Variants in BBX observed in about 807,000 individuals in gnomAD.
BBX encodes the protein BBX high mobility group box domain containing.
A neutral mutation model predicts 100.2 loss-of-function variants in BBX; 30 were observed. The ratio of observed to expected loss-of-function variants is 0.30; its 90% CI spans 0.22 to 0.41. The LOEUF is 0.41. Among genes scored for constraint, BBX ranks in the 10% least tolerant of loss-of-function variants. BBX has a pLI of 1.00. For synonymous variants in BBX, 376 were observed against 388.1 expected, an observed-to-expected ratio of 0.97 and a Z score of 0.37; for missense variants, 1,023 against 1,129.8, an observed-to-expected ratio of 0.91 and a Z score of 1.35.
chr3:107,708,903 T>A (rs542217719), intron 3 of BBX, among the ~76,000 whole-genome samples: 1 of 152,278 alleles, frequency 6.6e-6, no homozygotes, highest in African/African-American at 2.4e-5. Flanking sequence ...TTAAATTTTT[T>A]AATGGCTGTT....
chr3:107,801,264 C>T lies in BBX; in HGVS notation c.2721C>T (p.Ala907=). Residue 907 remains alanine (A), a synonymous_variant, in exon 17 of 18, where the codon GCC becomes GCT. Coordinates refer to ENST00000325805, the MANE Select transcript of BBX (RefSeq NM_001142568.3). The part of the protein sequence containing the change: ...FSLAALAEVA[A]MENVHRGQRS... ...TCGCTGCGCTGGCTGAAGTGGCAGC[C>T]ATGGAAAATGTGCACAGGTTAGTGG... The T allele has an allele frequency of 1.2e-6, 2 of 1,613,944 alleles. No individual in the cohort carries two copies. The highest frequency in any genetic ancestry group is 1.7e-6 in the Non-Finnish European group (2 of 1,179,930).
chr3:107,755,066 C>T (rs916088815), intron 9 of BBX, among the ~76,000 whole-genome samples: 3 of 152,156 alleles, frequency 2.0e-5, no homozygotes, highest in African/African-American at 4.8e-5. Flanking sequence ...TTTGCATGTA[C>T]ATTAAAGCAT....
chr3:107,633,908 C>T (rs2056699356), intron 2 of BBX, among the ~76,000 whole-genome samples: 2 of 152,204 alleles, frequency 1.3e-5, no homozygotes, highest in Admixed American at 1.3e-4. Flanking sequence ...TTCTTAGCCC[C>T]TCTTCATAAC....
intron 2 of BBX, among the ~76,000 whole-genome samples, chr3:107,559,564 G>A (rs2107466991): frequency 6.6e-6 from 1 of 152,286 alleles, no homozygotes; most frequent in East Asian, 1.9e-4. Flanking sequence ...TTAGGCAAGA[G>A]GCATCCCATG....
intron 3 of BBX, among the ~76,000 whole-genome samples, chr3:107,698,344 T>C (rs2060805088): frequency 6.6e-6 from 1 of 151,734 alleles, no homozygotes; most frequent in South Asian, 2.1e-4. Context: ...AAAAAATGTA[T>C]GATTGCTCTT....
chr3:107,650,093 A>G (rs1425248708), intron 3 of BBX, among the ~76,000 whole-genome samples: 1 of 152,118 alleles, frequency 6.6e-6, no homozygotes, highest in Non-Finnish European at 1.5e-5. Context: ...TAAGATTTTT[A>G]TGGTGCTGTT....
intron 13 of BBX, among the ~76,000 whole-genome samples, chr3:107,785,640 A>C (rs1361315021): frequency 6.6e-6 from 1 of 152,068 alleles, no homozygotes; most frequent in African/African-American, 2.4e-5. Flanking sequence ...CCTTTAAAAA[A>C]AAAATTACTC....
At chr3:107,686,949 A>G (rs1405465125) in intron 3 of BBX, among the ~76,000 whole-genome samples, 1 of 152,190 alleles carries the variant, frequency 6.6e-6, no homozygotes, top group Non-Finnish European at 1.5e-5. Context: ...AATTGTGTCT[A>G]AAATAAAAAA....
At chr3:107,720,588 A>G (rs919084243) in intron 5 of BBX, among the ~76,000 whole-genome samples, 1 of 152,086 alleles carries the variant, frequency 6.6e-6, no homozygotes, top group Non-Finnish European at 1.5e-5. Flanking sequence ...GGCAAAAACC[A>G]CGAGAGACCA....
chr3:107,538,489 A>C (rs2048654740), intron 2 of BBX, among the ~76,000 whole-genome samples: 1 of 152,204 alleles, frequency 6.6e-6, no homozygotes, highest in Non-Finnish European at 1.5e-5. Context: ...TAAGTCTAGT[A>C]TATCCTTAAG....
chr3:107,542,052 G>T (rs2048903815), intron 2 of BBX, among the ~76,000 whole-genome samples: 1 of 152,140 alleles, frequency 6.6e-6, no homozygotes, highest in Admixed American at 6.5e-5. Context: ...CCAGAAGCCA[G>T]TAAGAGAACC....
chr3:107,692,169 A>C (rs1576357011), intron 3 of BBX, among the ~76,000 whole-genome samples: 2 of 128,144 alleles, frequency 1.6e-5, no homozygotes, highest in East Asian at 3.9e-4. Flanking sequence ...TTTTTTAATT[A>C]TTTTATTTAT....
intron 10 of BBX, among the ~76,000 whole-genome samples, chr3:107,756,165 C>T (rs1467784984): frequency 6.6e-6 from 1 of 152,050 alleles, no homozygotes; most frequent in Admixed American, 6.6e-5. Flanking sequence ...AAATGCTACT[C>T]TTCCATTGGC....
In BBX at chr3:107,718,269, TATA is replaced by T. The variant is rs536522106; in HGVS notation, c.405+1424_405+1426del. 2.9e-4 allele frequency among the ~76,000 whole-genome samples: 42 copies of T among 146,584 alleles called. No individual in the cohort carries two copies. In the East Asian group the frequency reaches 7.0e-3, roughly 25 times the overall value. On this transcript the variant is annotated intron_variant, in intron 5 of 17. Coordinates refer to ENST00000325805, the MANE Select transcript of BBX (RefSeq NM_001142568.3). ...TAACTATTATAATAGTATTAATGAT[TATA>T]ATATGATTGTTAATTATAATAGTAT...
At chr3:107,778,007 A>G (rs2067467820) in intron 12 of BBX, among the ~76,000 whole-genome samples, 1 of 152,114 alleles carries the variant, frequency 6.6e-6, no homozygotes, top group African/African-American at 2.4e-5. Context: ...CCATATATAC[A>G]TGTATATGAG....
At chr3:107,524,848 GGGAC>G (rs1216143607) in intron 1 of BBX, among the ~76,000 whole-genome samples, 3 of 150,474 alleles carry the variant, frequency 2.0e-5, no homozygotes, top group Non-Finnish European at 1.5e-5. Context: ...GTGGGGGATG[GGGAC>G]GGAGCGAGCT....
At chr3:107,693,762 G>A (rs2060361889) in intron 3 of BBX, among the ~76,000 whole-genome samples, 2 of 151,680 alleles carry the variant, frequency 1.3e-5, no homozygotes, top group Admixed American at 1.3e-4. Flanking sequence ...GATGGGGATG[G>A]CACTGAATCT....
chr3:107,653,734 T>TC (rs1297796040), intron 3 of BBX, among the ~76,000 whole-genome samples: 2 of 152,172 alleles, frequency 1.3e-5, no homozygotes, highest in Non-Finnish European at 2.9e-5. Context: ...TTTTAGAGTA[T>TC]CGAACATTAC....
At chr3:107,759,560 A>G (rs1234843454) in intron 10 of BBX, among the ~76,000 whole-genome samples, 2 of 152,184 alleles carry the variant, frequency 1.3e-5, no homozygotes, top group African/African-American at 2.4e-5. Flanking sequence ...ACCTGTGTAC[A>G]TTTCAGCAAA....
Sources: allele counts gnomAD v4.1 joint callset (sites outside exome capture counted in the v4.1 genomes callset), GRCh38; gene constraint gnomAD v4.1.1; transcripts MANE v1.5; gene names NCBI Gene and HGNC (gene_info 2026-07-23, HGNC 2026-07-21).